Variants in IL4I1 observed in about 807,000 individuals in gnomAD.
The protein encoded by IL4I1 is interleukin 4 induced 1, also known as L-amino-acid oxidase.
IL4I1 carries 24 observed loss-of-function variants against 29.7 expected under a neutral mutation model. The observed-to-expected ratio is 0.81, with a 90% CI of 0.59 to 1.14. The LOEUF is 1.14. IL4I1 is among the 50% of genes most tolerant of loss of function. The pLI, the probability that IL4I1 is intolerant of heterozygous loss-of-function variation, is 0.00. For missense variants in IL4I1, 686 were observed against 785.6 expected, an observed-to-expected ratio of 0.87 and a Z score of 1.52; for synonymous variants, 371 against 352.5, an observed-to-expected ratio of 1.05 and a Z score of -0.59.
intron 5 of IL4I1, among the ~76,000 whole-genome samples, chr19:49,893,858 G>A (rs1157115700): frequency 6.6e-6 from 1 of 151,720 alleles, no homozygotes; most frequent in Non-Finnish European, 1.5e-5. Flanking sequence ...GTGGTGGCGG[G>A]CGCCTGTAAT....
In IL4I1 at chr19:49,921,867, G is replaced by A. The variant is rs1053251727; in HGVS notation, c.-228+5827C>T. ...AGGAACCACATATCCTGGGCCAGAC[G>A]AATGCAGGAGCTGCCTCCTCTGGAC... is the stretch of plus-strand genomic sequence containing the variant. On this transcript the variant is annotated intron_variant, in intron 2 of 9. Coordinates refer to the IL4I1 transcript ENST00000341114. This position sits in a 1 kb window ranked among gnomAD's most constrained non-coding sequence, Gnocchi z 5.4. 2.0e-4 allele frequency among the ~76,000 whole-genome samples: 30 copies of A among 152,196 alleles called. No individual in the cohort carries two copies. Among genetic ancestry groups the A allele is most frequent in the African/African-American group, 6.8e-4 (28 of 41,442 alleles).
intron 2 of IL4I1, chr19:49,907,251 CAAG>C (rs1264054787): frequency 2.1e-5 from 6 of 292,568 alleles, no homozygotes; most frequent in Non-Finnish European, 2.7e-5. Flanking sequence ...CGGGGACCTG[CAAG>C]AAGGCCACCT....
chr19:49,915,155 TG>T (rs1351790521), intron 2 of IL4I1, among the ~76,000 whole-genome samples: 1 of 151,998 alleles, frequency 6.6e-6, no homozygotes, highest in Non-Finnish European at 1.5e-5. Context: ...GTGCTATGTG[TG>T]TGGGGGGGTA....
Position 49,891,253 on chromosome 19 carries a change from G to T in IL4I1, c.637-146C>A. 7.1e-6 allele frequency: 10 copies of T among 1,418,104 alleles called. 1 individual carries two copies. Among genetic ancestry groups the T allele is most frequent in the Admixed American group, 1.9e-5 (1 of 53,510 alleles). The allele number at this position is 1,418,104 out of a possible 1,614,324, so 87.8% of individuals were successfully genotyped here. On this transcript the variant is annotated intron_variant, in intron 6 of 7. Coordinates refer to ENST00000391826, the MANE Select transcript of IL4I1 (RefSeq NM_152899.2). ...CTCTCTGACAGATGAGGGAAACGGA[G>T]GTCCAGACAGGGGGCGTGTCCAGCC...
At chr19:49,924,403 T>C (rs563316634) in intron 2 of IL4I1, among the ~76,000 whole-genome samples, 78 of 152,306 alleles carry the variant, frequency 5.1e-4, no homozygotes, top group African/African-American at 1.9e-3. Context: ...AAGGCTCTGC[T>C]AACCGGGAGC....
chr19:49,917,924 C>G (rs951811064), intron 2 of IL4I1: 2 of 152,248 alleles, frequency 1.3e-5, no homozygotes, highest in African/African-American at 4.8e-5. Context: ...CCCAGCTACT[C>G]GAGAGGCTGA....
intron 1 of IL4I1, chr19:49,927,858 G>A (rs1274352466): frequency 6.6e-6 from 1 of 152,306 alleles, no homozygotes; most frequent in East Asian, 1.9e-4. Context: ...GCTGGTGGAG[G>A]AGGGCCCAGT....
chr19:49,895,704 C>A (rs974830035), intron 3 of IL4I1, 111 bp downstream of exon 3: 4 of 761,320 alleles, frequency 5.3e-6, no homozygotes, highest in African/African-American at 3.6e-5. Flanking sequence ...CCTCTCCCCC[C>A]ACATCCCCAC....
intron 7 of IL4I1, 42 bp downstream of exon 7, chr19:49,890,929 G>GGCCGCC: frequency 2.2e-6 from 1 of 454,452 alleles, no homozygotes; most frequent in Non-Finnish European, 3.5e-6. Flanking sequence ...TTCCCTGATT[G>GGCCGCC]CCCCCCGCCC....
At chr19:49,896,488 G>A (rs1018454392) in intron 1 of IL4I1, among the ~76,000 whole-genome samples, 12 of 151,534 alleles carry the variant, frequency 7.9e-5, no homozygotes, top group Non-Finnish European at 1.8e-4. Context: ...AGGCTGGAGT[G>A]CAGTGGTAAG....
intron 4 of IL4I1, 129 bp downstream of exon 4, chr19:49,894,939 T>C: frequency 2.9e-6 from 2 of 695,744 alleles, no homozygotes; most frequent in South Asian, 3.5e-5. Context: ...GAGGTGAGGA[T>C]TAGGCGAAGG....
Position 49,910,092 on chromosome 19 carries a change from C to T in IL4I1, c.-227-5771G>A, listed in dbSNP as rs150325516. ...GTACGAGGAGCCGGGGTGCTAGGGA[C>T]GTGCGTGGCCATGTTCAGCCCAGTG... On this transcript the variant is annotated intron_variant, in intron 2 of 9. Transcript: ENST00000341114. 8.5e-5 allele frequency among the ~76,000 whole-genome samples: 13 copies of T among 152,120 alleles called. No individual in the cohort carries two copies. The East Asian group carries it at 2.3e-3, about 27-fold the overall frequency.
intron 2 of IL4I1, among the ~76,000 whole-genome samples, chr19:49,925,209 C>T (rs996610525): frequency 1.3e-5 from 2 of 151,912 alleles, no homozygotes; most frequent in Non-Finnish European, 2.9e-5. Context: ...TGCGGTGAGC[C>T]GAGATGGCAC....
At chr19:49,915,634 A>C (rs1270114143) in intron 2 of IL4I1, among the ~76,000 whole-genome samples, 1 of 152,250 alleles carries the variant, frequency 6.6e-6, no homozygotes, top group Non-Finnish European at 1.5e-5. Context: ...AAAGAACAGA[A>C]TGAAATCTAG....
chr19:49,927,989 C>T (rs2075947304), intron 1 of IL4I1: 1 of 152,224 alleles, frequency 6.6e-6, no homozygotes, highest in African/African-American at 2.4e-5. Context: ...GAAAGGAAGC[C>T]AAGGGCAAGG....
intron 2 of IL4I1, chr19:49,904,326 A>G (rs1202140694): frequency 6.6e-6 from 1 of 152,180 alleles, no homozygotes; most frequent in Non-Finnish European, 1.5e-5. Context: ...TTCTTCCTGG[A>G]AAGGGAAACT....
At chr19:49,895,203 G>C (rs781582411) in intron 3 of IL4I1, 23 bp from the exon 4 acceptor site, 1 of 1,594,730 alleles carries the variant, frequency 6.3e-7, no homozygotes, top group South Asian at 1.1e-5. Flanking sequence ...GTGGGGCGAG[G>C]AGGGCCCTTC....
intron 2 of IL4I1, among the ~76,000 whole-genome samples, chr19:49,923,292 C>A (rs1170373659): frequency 6.6e-6 from 1 of 152,198 alleles, no homozygotes; most frequent in Non-Finnish European, 1.5e-5. Flanking sequence ...CTGCGTGACC[C>A]AGTTACCCTC....
chr19:49,899,534 A>G (rs896335960), upstream of IL4I1, among the ~76,000 whole-genome samples: 2 of 149,828 alleles, frequency 1.3e-5, no homozygotes, highest in African/African-American at 4.9e-5. Context: ...ACAGGAGTGC[A>G]CTACCACACC....
Sources: gnomAD v4.1 joint callset for allele counts (sites outside exome capture counted in the v4.1 genomes callset) on GRCh38, gnomAD v4.1.1 for gene constraint, Gnocchi (gnomAD v3.1) non-coding constraint, MANE v1.5 for transcripts, NCBI Gene and HGNC (gene_info 2026-07-23, HGNC 2026-07-21) for gene names.